SMIM36: variants seen among roughly 807,000 people sequenced by gnomAD.
The protein encoded by SMIM36 is small integral membrane protein 36.
Position 55,456,116 on chromosome 17 carries a change from CAAAAAAAAAAAAAAA to C in SMIM36, c.*532-5833_*532-5819del, listed in dbSNP as rs10546288. ...CTGGGCAACAAGTGCAAAACTGTCT[CAAAAAAAAAAAAAAA>C]AAAAAAAAAAAAAAGGATCATTTGA... is the stretch of plus-strand genomic sequence containing the variant. On this transcript the variant is annotated intron_variant, in intron 4 of 4. Coordinates refer to ENST00000636752, the Ensembl canonical transcript of SMIM36. 3.8e-4 allele frequency among the ~76,000 whole-genome samples: 15 copies of C among 39,536 alleles called. No homozygotes were observed. In the South Asian group the frequency reaches 4.9e-3, roughly 13 times the overall value. 25.9% of individuals were successfully genotyped at this position (39,536 alleles called of 152,430 possible). A position where few individuals can be genotyped will look rare whatever the true frequency, so the allele number is the denominator to read the frequency against.
chr17:55,501,004 ATAT>A lies in SMIM36; in HGVS notation c.*174+9872_*174+9874del, dbSNP rs1215037169. 9.5e-5 allele frequency among the ~76,000 whole-genome samples: 4 copies of A among 41,972 alleles called. 1 individual carries two copies. The highest frequency in any genetic ancestry group is 1.5e-4 in the Non-Finnish European group (4 of 26,482). 27.5% of individuals were successfully genotyped at this position (41,972 alleles called of 152,430 possible). ...TATATTATATATTATAATATGTAAC[ATAT>A]TATTATATTTTGTAATATATAATAT... On this transcript the variant is annotated intron_variant, in intron 1 of 4. Transcript: ENST00000636752.
At chr17:55,524,819 C>T in the SMIM36 span, among the ~76,000 whole-genome samples, 1 of 152,124 alleles carries the variant, frequency 6.6e-6, no homozygotes, top group African/African-American at 2.4e-5. Flanking sequence ...GACTTCAATC[C>T]TGGAATAGTG....
At chr17:55,520,712 T>C in the SMIM36 span, among the ~76,000 whole-genome samples, 1 of 152,226 alleles carries the variant, frequency 6.6e-6, no homozygotes. Context: ...AGTTTATTTC[T>C]GGAATTTTTC....
At chr17:55,477,559 G>A (rs189787439) in intron 3 of SMIM36, among the ~76,000 whole-genome samples, 1 of 152,240 alleles carries the variant, frequency 6.6e-6, no homozygotes, top group East Asian at 1.9e-4. Flanking sequence ...TCCTATTTCT[G>A]GATGAGGCCC....
chr17:55,498,735 A>C (rs1199722141), intron 1 of SMIM36, among the ~76,000 whole-genome samples: 1 of 152,052 alleles, frequency 6.6e-6, no homozygotes, highest in Non-Finnish European at 1.5e-5. Flanking sequence ...GTGGTGGCTC[A>C]CACCTGTAAT....
intron 1 of SMIM36, among the ~76,000 whole-genome samples, chr17:55,495,744 T>C (rs1023063849): frequency 5.0e-4 from 76 of 152,126 alleles, no homozygotes; most frequent in African/African-American, 1.7e-3. Flanking sequence ...CTGTGAATTA[T>C]GATTGTACCA....
rs1487731075 is a variant in SMIM36 at position 55,505,185 on chromosome 17, C to T, written c.*174+5694G>A. 3.1e-5 allele frequency among the ~76,000 whole-genome samples: 3 copies of T among 95,382 alleles called. 1 individual carries two copies. Among genetic ancestry groups the T allele is most frequent in the Non-Finnish European group, 6.2e-5 (3 of 48,586 alleles). 62.6% of individuals were successfully genotyped at this position (95,382 alleles called of 152,430 possible). On this transcript the variant is annotated intron_variant, in intron 1 of 4. Transcript: ENST00000636752. ...GGTACCATTCCTTCTGAAACTATTC[C>T]AGTCAATAGAAAAAGAGGGAATCCT...
Position 55,481,098 on chromosome 17 carries a change from C to T in SMIM36, c.*175-1518G>A, listed in dbSNP as rs1032879257. 3.3e-5 allele frequency among the ~76,000 whole-genome samples: 5 copies of T among 151,464 alleles called. No homozygotes were observed. The East Asian group carries it at 5.8e-4, about 18-fold the overall frequency. On this transcript the variant is annotated intron_variant, in intron 1 of 4. Coordinates refer to ENST00000636752, the Ensembl canonical transcript of SMIM36. ...CCTGTCTCTGTCTCTCTCTCTCTCT[C>T]CCTCTCTCTCTCTTTATCTCTCTCT...
the SMIM36 span, among the ~76,000 whole-genome samples, chr17:55,531,485 G>A: frequency 6.6e-6 from 1 of 151,994 alleles, no homozygotes; most frequent in African/African-American, 2.4e-5. Context: ...TATTCCTACT[G>A]TGGCCCTACC....
upstream of SMIM36, among the ~76,000 whole-genome samples, chr17:55,515,701 C>T (rs1910264469): frequency 6.6e-6 from 1 of 152,190 alleles, no homozygotes; most frequent in African/African-American, 2.4e-5. Context: ...GGAAGACAGG[C>T]CTGGGACAGA....
rs71159297 is a variant in SMIM36, at chr17:55,501,893, A to AGGACG, written c.*174+8985_*174+8986insCGTCC. ...GCGCGCACAGTGCGCGAGCCGAAGC[A>AGGACG]AGGCATTGCCTCACCTGGGAAGCGC... On this transcript the variant is annotated intron_variant, in intron 1 of 4. Coordinates refer to ENST00000636752, the Ensembl canonical transcript of SMIM36. 4.0e-3 allele frequency among the ~76,000 whole-genome samples: 541 copies of AGGACG among 136,516 alleles called. 3 individuals carry two copies. Among genetic ancestry groups the AGGACG allele is most frequent in the African/African-American group, 0.014 (518 of 36,044 alleles). 89.6% of individuals were successfully genotyped at this position (136,516 alleles called of 152,430 possible). A position where few individuals can be genotyped will look rare whatever the true frequency, so the allele number is the denominator to read the frequency against.
At chr17:55,469,699 G>C (rs1002981242) in intron 3 of SMIM36, among the ~76,000 whole-genome samples, 1 of 152,194 alleles carries the variant, frequency 6.6e-6, no homozygotes, top group Non-Finnish European at 1.5e-5. Context: ...AACTTCAAAG[G>C]CCAAGTGCAG....
At chr17:55,516,930 T>C in the SMIM36 span, among the ~76,000 whole-genome samples, 1 of 152,102 alleles carries the variant, frequency 6.6e-6, no homozygotes, top group Non-Finnish European at 1.5e-5. Context: ...TAGATGTTAG[T>C]GTGTCCCTGA....
At chr17:55,519,545 A>G in the SMIM36 span, among the ~76,000 whole-genome samples, 1 of 152,200 alleles carries the variant, frequency 6.6e-6, no homozygotes, top group East Asian at 1.9e-4. Flanking sequence ...GACAAGATGT[A>G]GGGAAGACCA....
At position 55,492,242 on chromosome 17, in the gene SMIM36, CT is replaced by C. The variant is rs770501215; in HGVS notation, c.*175-12663del. Among the ~76,000 whole-genome samples, 283 of 111,324 alleles carry C rather than the reference CT, an allele frequency of 2.5e-3. 1 individual carries two copies. Among genetic ancestry groups the C allele is most frequent in the Admixed American group, 3.0e-3 (31 of 10,342 alleles). 73.0% of individuals were successfully genotyped at this position (111,324 alleles called of 152,430 possible). ...CTTTTTTCTTTTCTTTTCTTTCTTT[CT>C]TTTTTTTTTTTTTTTTTTGAGACAG... On this transcript the variant is annotated intron_variant, in intron 1 of 4. Coordinates refer to ENST00000636752, the Ensembl canonical transcript of SMIM36.
chr17:55,466,190 T>G lies in SMIM36; in HGVS notation c.*531+955A>C, dbSNP rs558250613. Among the ~76,000 whole-genome samples, 3 of 144,882 alleles carry G rather than the reference T, an allele frequency of 2.1e-5. No individual in the cohort carries two copies. The South Asian group carries it at 6.5e-4, about 31-fold the overall frequency. On this transcript the variant is annotated intron_variant, in intron 4 of 4. Transcript: ENST00000636752. ...TACTAGGGAGGCTGAGGTAGGAGAA[T>G]CGCTTGAACCTGGGAGGCAGAGGTT... is the stretch of plus-strand genomic sequence containing the variant.
In SMIM36 at chr17:55,501,199, AT is replaced by A. The variant is rs1274505206; in HGVS notation, c.*174+9679del. Among the ~76,000 whole-genome samples the A allele has an allele frequency of 8.2e-3, 745 of 90,462 alleles. 341 individuals are homozygous for A. The highest frequency in any genetic ancestry group is 0.033 in the East Asian group (84 of 2,564). The allele number at this position is 90,462 out of a possible 152,430, so 59.3% of individuals were successfully genotyped here. A position where few individuals can be genotyped will look rare whatever the true frequency, so the allele number is the denominator to read the frequency against. Reference sequence around the variant, plus strand: ...TATTATAATATATAATATATCTTATATATTATAATATATAATATATATTATA... The same window carrying A: ...TATTATAATATATAATATATCTTATAATTATAATATATAATATATATTATA... On this transcript the variant is annotated intron_variant, in intron 1 of 4. Coordinates refer to ENST00000636752, the Ensembl canonical transcript of SMIM36.
chr17:55,510,583 ACT>A (rs1296400409), intron 1 of SMIM36, among the ~76,000 whole-genome samples: 4 of 152,120 alleles, frequency 2.6e-5, no homozygotes, highest in African/African-American at 4.8e-5. Context: ...ACAGAGCAAG[ACT>A]CTGTCTCTTA....
At chr17:55,530,481 A>C in the SMIM36 span, among the ~76,000 whole-genome samples, 1 of 152,202 alleles carries the variant, frequency 6.6e-6, no homozygotes, top group Non-Finnish European at 1.5e-5. Context: ...ACTGCCCCAG[A>C]CGCAGTTAAA....
Sources: allele counts gnomAD v4.1 joint callset (sites outside exome capture counted in the v4.1 genomes callset), GRCh38; gene constraint gnomAD v4.1.1; transcripts MANE v1.5; gene names NCBI Gene and HGNC (gene_info 2026-07-23, HGNC 2026-07-21).